The following NCKAP5 variants were observed in gnomAD, a reference collection of about 807,000 sequenced individuals.
The protein encoded by NCKAP5 is NCK associated protein 5.
In NCKAP5, 92 loss-of-function variants were observed where a neutral mutation model predicts 167.0. The observed-to-expected ratio is 0.55, with a 90% confidence interval of 0.47 to 0.66. The LOEUF is 0.66. Ranked by LOEUF, NCKAP5 falls within the 30% of genes least tolerant of loss-of-function variation. The pLI is 0.00. For missense variants in NCKAP5, 2,378 were observed against 2,315.0 expected (o/e 1.03, Z -0.56); for synonymous variants, 891 against 877.4 (o/e 1.02, Z -0.27).
intron 6 of NCKAP5, among the ~76,000 whole-genome samples, chr2:133,011,888 A>C (rs1341024432): frequency 2.0e-5 from 3 of 152,198 alleles, no homozygotes; most frequent in Non-Finnish European, 4.4e-5. Flanking sequence ...TTTCAAAGCC[A>C]ATTAGAATAT....
rs112608785 is a variant in NCKAP5 at position 133,338,128 on chromosome 2, T to G, written c.70-35018A>C. Among the ~76,000 whole-genome samples the G allele has an allele frequency of 7.1e-3, 1,084 of 152,338 alleles. 28 individuals carry two copies. The highest frequency in any genetic ancestry group is 0.046 in the Admixed American group (707 of 15,306). ...TTATATGGGTCTATTGCATTTTTTT[T>G]TTGTTGAAATCAAATATTTGAATTT... On this transcript the variant is annotated intron_variant, in intron 3 of 19. Transcript: ENST00000409261.
At chr2:133,593,720 G>T in the NCKAP5 span, among the ~76,000 whole-genome samples, 1 of 152,124 alleles carries the variant, frequency 6.6e-6, no homozygotes, top group African/African-American at 2.4e-5. Context: ...TTTGATACAG[G>T]CATGCAATGC....
chr2:132,778,780 G>T (rs1291820572), intron 15 of NCKAP5, among the ~76,000 whole-genome samples: 1 of 152,162 alleles, frequency 6.6e-6, no homozygotes, highest in African/African-American at 2.4e-5. Flanking sequence ...ATGTGCTGTG[G>T]TGTTAAAATA....
intron 3 of NCKAP5, among the ~76,000 whole-genome samples, chr2:133,397,775 T>G (rs879316999): frequency 6.6e-6 from 1 of 152,200 alleles, no homozygotes; most frequent in Non-Finnish European, 1.5e-5. Flanking sequence ...TTCTACTCTG[T>G]ATAAGGAGTG....
intron 6 of NCKAP5, among the ~76,000 whole-genome samples, chr2:133,042,185 G>A (rs1327533500): frequency 6.6e-6 from 1 of 152,112 alleles, no homozygotes; most frequent in Admixed American, 6.6e-5. Context: ...ATGCTAAGCT[G>A]TTTTTCCACC....
intron 19 of NCKAP5, among the ~76,000 whole-genome samples, chr2:132,722,842 G>T (rs78066130): frequency 0.1 from 15,531 of 151,852 alleles, 962 homozygotes; most frequent in East Asian, 0.14. Flanking sequence ...TTGAGACGGC[G>T]TCTTGCTGTG....
chr2:132,758,198 G>T (rs1337171453), intron 16 of NCKAP5, among the ~76,000 whole-genome samples: 1 of 152,130 alleles, frequency 6.6e-6, no homozygotes, highest in Non-Finnish European at 1.5e-5. Flanking sequence ...GCTTTCCTTT[G>T]TGTGGGGGCA....
intron 5 of NCKAP5, among the ~76,000 whole-genome samples, chr2:133,194,051 T>C (rs1319733689): frequency 6.6e-6 from 1 of 152,166 alleles, no homozygotes; most frequent in Admixed American, 6.6e-5. Flanking sequence ...TAAGTGCATA[T>C]GCGTATACAT....
At chr2:133,452,648 GA>G (rs1691619738) in intron 3 of NCKAP5, among the ~76,000 whole-genome samples, 1 of 152,176 alleles carries the variant, frequency 6.6e-6, no homozygotes. Flanking sequence ...ATGTTGACAT[GA>G]CAGAAAGGCT....
At chr2:133,023,989 T>C (rs1176555276) in intron 6 of NCKAP5, among the ~76,000 whole-genome samples, 1 of 152,194 alleles carries the variant, frequency 6.6e-6, no homozygotes, top group African/African-American at 2.4e-5. Flanking sequence ...ATTCAATATA[T>C]AGCCTTTGCA....
chr2:133,341,392 C>G (rs889813938), intron 3 of NCKAP5, among the ~76,000 whole-genome samples: 1 of 151,856 alleles, frequency 6.6e-6, no homozygotes, highest in South Asian at 2.1e-4. Context: ...GGAGTGGGCT[C>G]TCTTGCTTAG....
chr2:132,746,544 C>G (rs1319481748), intron 16 of NCKAP5, among the ~76,000 whole-genome samples: 1 of 151,844 alleles, frequency 6.6e-6, no homozygotes, highest in African/African-American at 2.4e-5. Context: ...TAGATTTAAT[C>G]AAAATTAAAA....
At chr2:133,416,473 G>A (rs1488456131) in intron 3 of NCKAP5, among the ~76,000 whole-genome samples, 1 of 152,056 alleles carries the variant, frequency 6.6e-6, no homozygotes, top group South Asian at 2.1e-4. Context: ...AGCCATAAAA[G>A]AGAAAAAATG....
At chr2:132,930,773 A>C (rs960401382) in intron 8 of NCKAP5, 2 of 152,168 alleles carry the variant, frequency 1.3e-5, no homozygotes, top group Admixed American at 1.3e-4. Flanking sequence ...TGACTATACC[A>C]ACAACTTGGA....
chr2:133,510,214 A>C (rs1160500882), intron 3 of NCKAP5, among the ~76,000 whole-genome samples: 1 of 152,198 alleles, frequency 6.6e-6, no homozygotes, highest in Non-Finnish European at 1.5e-5. Context: ...CACTCAAGTC[A>C]TAAACCCCAC....
chr2:132,730,664 C>T (rs780054751), intron 17 of NCKAP5, among the ~76,000 whole-genome samples: 9 of 152,162 alleles, frequency 5.9e-5, no homozygotes, highest in South Asian at 2.1e-4. Context: ...CTACAGCAGC[C>T]GCCGCTGAAT....
At chr2:132,976,579 A>AG (rs2076983496) in intron 7 of NCKAP5, among the ~76,000 whole-genome samples, 1 of 151,330 alleles carries the variant, frequency 6.6e-6, no homozygotes, top group African/African-American at 2.4e-5. Context: ...AAAAAAAAAA[A>AG]AAAAGAAGAA....
Position 133,347,987 on chromosome 2 carries a change from C to T in NCKAP5, c.70-44877G>A, listed in dbSNP as rs984157214. 5.3e-5 allele frequency among the ~76,000 whole-genome samples: 8 copies of T among 152,286 alleles called. No homozygotes were observed. In the East Asian group the frequency reaches 1.2e-3, roughly 22 times the overall value. ...TGAGCTCTGTGGCAGCTACCTTCTG[C>T]GATGGGGCAGGAGACACAGAAAACT... On this transcript the variant is annotated intron_variant, in intron 3 of 19. Transcript: ENST00000409261.
At chr2:133,002,698 T>C (rs1439715814) in intron 6 of NCKAP5, among the ~76,000 whole-genome samples, 1 of 152,194 alleles carries the variant, frequency 6.6e-6, no homozygotes, top group East Asian at 1.9e-4. Context: ...CCTCCCTTCA[T>C]GTTTTCTTAA....
Sources: allele counts gnomAD v4.1 joint callset (sites outside exome capture counted in the v4.1 genomes callset), GRCh38; gene constraint gnomAD v4.1.1; transcripts MANE v1.5; gene names NCBI Gene and HGNC (gene_info 2026-07-23, HGNC 2026-07-21).